Variants in PAK5 observed in about 807,000 individuals in gnomAD.
PAK5 encodes the protein p21 (RAC1) activated kinase 5.
Under a neutral mutation model 65.9 loss-of-function variants are expected in PAK5, and 16 were observed. The ratio of observed to expected loss-of-function variants is 0.24; its 90% confidence interval spans 0.16 to 0.37. The LOEUF (loss-of-function observed/expected upper bound fraction) is 0.37. Among genes scored for constraint, PAK5 ranks in the 10% least tolerant of loss-of-function variants. The probability of loss-of-function intolerance (pLI) is 1.00; values close to 1 mark genes in which losing one functional copy is unlikely to be tolerated. For synonymous variants in PAK5, 371 were observed against 354.9 expected, an observed-to-expected ratio of 1.05 and a Z score of -0.51; for missense variants, 785 against 903.9, an observed-to-expected ratio of 0.87 and a Z score of 1.69.
chr20:9,753,369 C>T (rs73245033), intron 1 of PAK5, among the ~76,000 whole-genome samples: 2,412 of 152,170 alleles, frequency 0.016, 55 homozygotes, highest in African/African-American at 0.053. Context: ...CCATGCTACT[C>T]GAGCATATAG....
At chr20:9,623,337 A>T (rs2046797954) in intron 3 of PAK5, among the ~76,000 whole-genome samples, 1 of 152,192 alleles carries the variant, frequency 6.6e-6, no homozygotes, top group African/African-American at 2.4e-5. Flanking sequence ...GAACAGTGGA[A>T]ACTCCAAGTT....
intron 3 of PAK5, among the ~76,000 whole-genome samples, chr20:9,608,738 C>G (rs550685708): frequency 2.4e-4 from 36 of 152,270 alleles, no homozygotes; most frequent in Middle Eastern, 3.4e-3. Context: ...TTATAGGAAG[C>G]TGCTGAAACA....
intron 2 of PAK5, among the ~76,000 whole-genome samples, chr20:9,647,051 A>G (rs1017003632): frequency 6.6e-6 from 1 of 152,172 alleles, no homozygotes; most frequent in Non-Finnish European, 1.5e-5. Context: ...CATAACAAAA[A>G]CCCTGATTAT....
intron 2 of PAK5, among the ~76,000 whole-genome samples, chr20:9,687,408 C>T (rs2047733864): frequency 6.6e-6 from 1 of 152,144 alleles, no homozygotes; most frequent in Non-Finnish European, 1.5e-5. Context: ...TTTCCCCTGC[C>T]CAATCATGGT....
At chr20:9,757,956 C>T (rs893925392) in intron 1 of PAK5, among the ~76,000 whole-genome samples, 2 of 152,098 alleles carry the variant, frequency 1.3e-5, no homozygotes, top group Admixed American at 6.6e-5. Context: ...ATGTTGAATT[C>T]GGGCACAGAC....
chr20:9,639,768 A>G (rs1415007741), intron 3 of PAK5, among the ~76,000 whole-genome samples: 1 of 152,258 alleles, frequency 6.6e-6, no homozygotes, highest in Non-Finnish European at 1.5e-5. Context: ...AAGTGAGGAA[A>G]TCTTGCTCCA....
chr20:9,607,812 C>A (rs192424558), intron 3 of PAK5, among the ~76,000 whole-genome samples: 5 of 151,208 alleles, frequency 3.3e-5, no homozygotes, highest in Non-Finnish European at 1.5e-5. Flanking sequence ...CTGGGCAATG[C>A]AACAAGACTC....
Position 9,711,307 on chromosome 20 carries a change from G to C in PAK5, c.-33C>G, listed in dbSNP as rs1389945797. 1.3e-5 allele frequency: 2 copies of C among 152,098 alleles called. No homozygotes were observed. Among genetic ancestry groups the C allele is most frequent in the South Asian group, 2.1e-4 (1 of 4,828 alleles). 9.4% of individuals were successfully genotyped at this position (152,098 alleles called of 1,614,324 possible). A position where few individuals can be genotyped will look rare whatever the true frequency, so the allele number is the denominator to read the frequency against. ...CTACCTTTATATGATGGCTGTGGAT[G>C]AATTAAAGACTCCAGAGGAGTGTGG... On this transcript the variant is annotated 5_prime_UTR_variant, in exon 2 of 10. Coordinates refer to ENST00000353224, the MANE Select transcript of PAK5 (RefSeq NM_177990.4).
At chr20:9,632,493 A>G (rs2046935077) in intron 3 of PAK5, among the ~76,000 whole-genome samples, 1 of 152,206 alleles carries the variant, frequency 6.6e-6, no homozygotes, top group South Asian at 2.1e-4. Flanking sequence ...ATGCATAATG[A>G]AAGACTCTGC....
At chr20:9,552,165 G>T (rs924966871) in intron 7 of PAK5, among the ~76,000 whole-genome samples, 1 of 152,104 alleles carries the variant, frequency 6.6e-6, no homozygotes, top group Non-Finnish European at 1.5e-5. Context: ...TTGATTTGTG[G>T]CAATCAATTT....
At chr20:9,563,216 T>C (rs528679409) in intron 5 of PAK5, among the ~76,000 whole-genome samples, 192 bp from the exon 6 acceptor site, 1 of 151,934 alleles carries the variant, frequency 6.6e-6, no homozygotes, top group Admixed American at 6.6e-5. Flanking sequence ...GGTAGCAAAT[T>C]TGAGAGAAAA....
intron 2 of PAK5, among the ~76,000 whole-genome samples, chr20:9,692,872 A>T (rs185266356): frequency 2.6e-5 from 4 of 151,732 alleles, no homozygotes; most frequent in Non-Finnish European, 4.4e-5. Flanking sequence ...TTTCTTCATT[A>T]AAAAAAATTA....
At position 9,804,311 on chromosome 20, in the gene PAK5, T is replaced by C. The variant is rs1042203319; in HGVS notation, c.-162+34451A>G. Among the ~76,000 whole-genome samples, 7 of 152,154 alleles carry C rather than the reference T, an allele frequency of 4.6e-5. No homozygotes were observed. The South Asian group carries it at 1.2e-3, about 27-fold the overall frequency. ...CTTACTGACTCTCCAAGATCAGCCA[T>C]GTAGATGCATCAAGCAACCACTTCA... On this transcript the variant is annotated intron_variant, in intron 1 of 9. Coordinates refer to ENST00000353224, the MANE Select transcript of PAK5 (RefSeq NM_177990.4).
chr20:9,618,915 GTTTTTTTTTTTTTTTT>G (rs150725498), intron 3 of PAK5, among the ~76,000 whole-genome samples: 13 of 18,832 alleles, frequency 6.9e-4, no homozygotes, highest in East Asian at 4.5e-3. Flanking sequence ...TCTTTCTTTC[GTTTTTTTTTTTTTTTT>G]TTTTTTTTTT....
chr20:9,614,114 C>A (rs1259657800), intron 3 of PAK5, among the ~76,000 whole-genome samples: 1 of 152,062 alleles, frequency 6.6e-6, no homozygotes, highest in African/African-American at 2.4e-5. Context: ...GGACAGTAAG[C>A]AAGAACAGAT....
chr20:9,738,256 G>A (rs2048413230), intron 1 of PAK5, among the ~76,000 whole-genome samples: 1 of 152,218 alleles, frequency 6.6e-6, no homozygotes, highest in Non-Finnish European at 1.5e-5. Context: ...AAACAGTTTG[G>A]CAGCTTTTAA....
intron 2 of PAK5, among the ~76,000 whole-genome samples, chr20:9,706,459 A>C (rs1181605999): frequency 6.9e-6 from 1 of 144,862 alleles, no homozygotes; most frequent in Non-Finnish European, 1.5e-5. Context: ...ATAAATACAC[A>C]TTCTACAAAC....
At chr20:9,792,610 G>A (rs1321500699) in intron 1 of PAK5, among the ~76,000 whole-genome samples, 2 of 152,130 alleles carry the variant, frequency 1.3e-5, no homozygotes, top group Non-Finnish European at 2.9e-5. Context: ...AACTTAAGTG[G>A]AGACAATCCT....
rs145114524 is a variant in PAK5 at position 9,648,222 on chromosome 20, A to G, written c.-11-3883T>C. Among the ~76,000 whole-genome samples, 211 of 152,268 alleles carry G rather than the reference A, an allele frequency of 1.4e-3. 1 individual carries two copies. Among genetic ancestry groups the G allele is most frequent in the East Asian group, 7.7e-3 (40 of 5,176 alleles). On this transcript the variant is annotated intron_variant, in intron 2 of 9. Transcript: ENST00000353224. ...GATACAAAACAAAATTAGCAGTGGGAAAAGGTGCATGGGGCCAAGTCCAGA... is the reference window on the plus strand; with the variant it reads ...GATACAAAACAAAATTAGCAGTGGGGAAAGGTGCATGGGGCCAAGTCCAGA...
Sources: gnomAD v4.1 joint callset for allele counts (sites outside exome capture counted in the v4.1 genomes callset) on GRCh38, gnomAD v4.1.1 for gene constraint, MANE v1.5 for transcripts, NCBI Gene and HGNC (gene_info 2026-07-23, HGNC 2026-07-21) for gene names.